The following TMEM116 variants were observed in gnomAD, a reference collection of about 807,000 sequenced individuals.
TMEM116 encodes transmembrane protein 116.
Under a neutral mutation model 44.3 loss-of-function variants are expected in TMEM116, and 38 were observed. The ratio of observed to expected loss-of-function variants is 0.86; its 90% CI spans 0.66 to 1.12. The LOEUF is 1.12. TMEM116 is among the 50% of genes most tolerant of loss of function. TMEM116 has a pLI of 0.00. For missense variants in TMEM116, 354 were observed against 401.7 expected, an observed-to-expected ratio of 0.88 and a Z score of 1.01; for synonymous variants, 132 against 144.8, an observed-to-expected ratio of 0.91 and a Z score of 0.64.
At chr12:111,976,263 C>A (rs1316978725) in intron 4 of TMEM116, among the ~76,000 whole-genome samples, 1 of 152,042 alleles carries the variant, frequency 6.6e-6, no homozygotes, top group Non-Finnish European at 1.5e-5. Flanking sequence ...GAGAAACCCA[C>A]AGACAATGGG....
intron 4 of TMEM116, among the ~76,000 whole-genome samples, chr12:111,979,102 A>G (rs1329448194): frequency 2.0e-5 from 3 of 152,174 alleles, no homozygotes; most frequent in Non-Finnish European, 4.4e-5. Flanking sequence ...ACCTTGGGTC[A>G]CCTAGATCCA....
chr12:111,969,210 C>T (rs2075173178), intron 4 of TMEM116, among the ~76,000 whole-genome samples: 1 of 149,450 alleles, frequency 6.7e-6, no homozygotes, highest in Non-Finnish European at 1.5e-5. Flanking sequence ...ATCCCAGCTA[C>T]TCGGGAGGCT....
rs867000007 is a variant in TMEM116 at position 112,005,197 on chromosome 12, C to G, written c.14+60G>C. On this transcript the variant is annotated intron_variant, in intron 2 of 10. Transcript: ENST00000552374. ...ATCCCCAAGGGGGAAATGTGGAAAA[C>G]TACAGAATTGACGAACTTTGCTTAT... 21 of 1,193,576 alleles carry G rather than the reference C, an allele frequency of 1.8e-5. 1 individual carries two copies. In the Middle Eastern group the frequency reaches 4.2e-3, roughly 239 times the overall value. 73.9% of individuals were successfully genotyped at this position (1,193,576 alleles called of 1,614,324 possible). A position where few individuals can be genotyped will look rare whatever the true frequency, so the allele number is the denominator to read the frequency against.
At chr12:111,983,715 C>A (rs1370565769) in intron 4 of TMEM116, among the ~76,000 whole-genome samples, 1 of 152,074 alleles carries the variant, frequency 6.6e-6, no homozygotes, top group East Asian at 1.9e-4. Flanking sequence ...AAGCCTAGAA[C>A]CAAATGGCTT....
At chr12:111,997,184 T>A (rs2076975377) in intron 3 of TMEM116, among the ~76,000 whole-genome samples, 1 of 152,210 alleles carries the variant, frequency 6.6e-6, no homozygotes, top group Non-Finnish European at 1.5e-5. Flanking sequence ...TAATCATTCT[T>A]TAAATAGTAC....
intron 4 of TMEM116, among the ~76,000 whole-genome samples, chr12:111,988,611 A>C (rs1455005383): frequency 2.0e-5 from 3 of 151,998 alleles, no homozygotes; most frequent in Non-Finnish European, 4.4e-5. Context: ...AGGCAGGGGA[A>C]TCGCTTGAAC....
chr12:111,953,278 G>A (rs1459220997), intron 4 of TMEM116, among the ~76,000 whole-genome samples: 3 of 152,082 alleles, frequency 2.0e-5, no homozygotes, highest in Non-Finnish European at 4.4e-5. Context: ...GACTCCCTTC[G>A]ACATGGGACC....
intron 4 of TMEM116, among the ~76,000 whole-genome samples, chr12:111,986,169 A>C (rs2076218645): frequency 6.6e-6 from 1 of 151,810 alleles, no homozygotes; most frequent in East Asian, 2.0e-4. Context: ...CAGCCTGAGC[A>C]ACACGGCAAG....
chr12:112,000,596 G>T, intron 3 of TMEM116: 1 of 297,332 alleles, frequency 3.4e-6, no homozygotes, highest in Non-Finnish European at 6.6e-6. Context: ...GCCCGATCTT[G>T]GCTTACTGCA....
Position 111,950,923 on chromosome 12 carries a change from A to C in TMEM116, c.211-7554T>G, listed in dbSNP as rs188013328. On this transcript the variant is annotated intron_variant, in intron 4 of 10. Transcript: ENST00000552374. ...CTACAGAAAGAAAGAAAATTCTTGC[A>C]AACTATGCATCTGACAAAGGTCTAA... is the stretch of plus-strand genomic sequence containing the variant. 3.7e-4 allele frequency among the ~76,000 whole-genome samples: 57 copies of C among 152,368 alleles called. 1 individual carries two copies. Among genetic ancestry groups the C allele is most frequent in the Admixed American group, 3.1e-3 (48 of 15,306 alleles).
In TMEM116 at chr12:111,931,454, A is replaced by G. The variant is rs952933081; in HGVS notation, c.*167T>C. The G allele has an allele frequency of 7.8e-6, 5 of 644,408 alleles. No individual in the cohort carries two copies. Among genetic ancestry groups the G allele is most frequent in the Non-Finnish European group, 1.3e-5 (5 of 374,892 alleles). 39.9% of individuals were successfully genotyped at this position (644,408 alleles called of 1,614,324 possible). A position where few individuals can be genotyped will look rare whatever the true frequency, so the allele number is the denominator to read the frequency against. On this transcript the variant is annotated 3_prime_UTR_variant, in exon 11 of 11. Coordinates refer to ENST00000552374, the MANE Select transcript of TMEM116 (RefSeq NM_001193531.2). ...AGTGAATCTGGGAATAACTGGAGAG[A>G]TACTCCCAATTCATCTAGAATGACT...
intron 4 of TMEM116, among the ~76,000 whole-genome samples, chr12:111,952,214 C>A (rs977357859): frequency 6.6e-6 from 1 of 151,946 alleles, no homozygotes; most frequent in Non-Finnish European, 1.5e-5. Context: ...GGTGACAGAG[C>A]GAGATTCCAT....
intron 8 of TMEM116, 170 bp downstream of exon 8, chr12:111,936,522 G>C (rs1398949639): frequency 1.6e-6 from 1 of 622,658 alleles, no homozygotes; most frequent in African/African-American, 1.9e-5. Flanking sequence ...ATTTGGGGAA[G>C]TGCAAAAGTC....
chr12:111,943,514 A>C, intron 4 of TMEM116, 145 bp from the exon 5 acceptor site: 1 of 636,518 alleles, frequency 1.6e-6, no homozygotes, highest in Non-Finnish European at 2.7e-6. Context: ...ACCAGGCAAA[A>C]CCATACCAAG....
intron 4 of TMEM116, among the ~76,000 whole-genome samples, chr12:111,953,473 C>T (rs2073881762): frequency 6.6e-6 from 1 of 152,116 alleles, no homozygotes. Flanking sequence ...CAAATGGAGC[C>T]AGGGAAGGCC....
At chr12:111,967,493 T>C (rs1039831304) in intron 4 of TMEM116, among the ~76,000 whole-genome samples, 11 of 151,986 alleles carry the variant, frequency 7.2e-5, no homozygotes, top group African/African-American at 2.7e-4. Context: ...GATTTTTTTT[T>C]CTAAAGAATA....
chr12:111,943,893 C>A (rs2073053413), intron 4 of TMEM116, among the ~76,000 whole-genome samples: 1 of 152,092 alleles, frequency 6.6e-6, no homozygotes. Context: ...CTTATTTTAT[C>A]CTTTGGACTG....
intron 4 of TMEM116, among the ~76,000 whole-genome samples, chr12:111,969,335 A>T (rs2075185938): frequency 2.6e-5 from 4 of 152,062 alleles, no homozygotes; most frequent in African/African-American, 7.2e-5. Context: ...AAAAAAAAAA[A>T]AAATCTACAT....
chr12:111,985,248 C>T (rs1051251925), intron 4 of TMEM116, among the ~76,000 whole-genome samples: 52 of 150,832 alleles, frequency 3.4e-4, no homozygotes, highest in African/African-American at 1.3e-3. Flanking sequence ...GCAGATAACA[C>T]GATCTTATAT....
Sources: allele counts gnomAD v4.1 joint callset (sites outside exome capture counted in the v4.1 genomes callset), GRCh38; gene constraint gnomAD v4.1.1; transcripts MANE v1.5; gene names NCBI Gene and HGNC (gene_info 2026-07-23, HGNC 2026-07-21).